The following HIVEP3 variants were observed in gnomAD, a reference collection of about 807,000 sequenced individuals.
HIVEP3 encodes the protein transcription factor HIVEP3.
HIVEP3 carries 49 observed loss-of-function variants against 152.8 expected under a neutral mutation model. That is an observed-to-expected ratio of 0.32 (90% CI 0.26 to 0.41). The LOEUF is 0.41. Ranked by LOEUF, HIVEP3 falls within the 10% of genes least tolerant of loss-of-function variation. The probability of loss-of-function intolerance (pLI) is 1.00; values close to 1 mark genes in which losing one functional copy is unlikely to be tolerated. For missense variants in HIVEP3, 2,790 were observed against 3,103.3 expected (o/e 0.90, Z 2.40); for synonymous variants, 1,269 against 1,289.0 (o/e 0.98, Z 0.33).
intron 3 of HIVEP3, among the ~76,000 whole-genome samples, chr1:41,595,085 C>A (rs937620013): frequency 1.3e-5 from 2 of 152,128 alleles, no homozygotes; most frequent in East Asian, 1.9e-4. Context: ...GGAAAGGGAC[C>A]CAGAATCTAT....
At chr1:41,812,819 G>C (rs924768982) in intron 1 of HIVEP3, among the ~76,000 whole-genome samples, 4 of 132,250 alleles carry the variant, frequency 3.0e-5, no homozygotes, top group Non-Finnish European at 6.2e-5. Flanking sequence ...GGGGTGGGGG[G>C]ACAGATAAGT....
chr1:41,899,617 G>A lies in HIVEP3; in HGVS notation c.-801+18796C>T, dbSNP rs1341258033. ...GAGACGGGGTTTCACCACGTTGGCC[G>A]GGCTGGTCTTGAACTCCTGATGTCA... On this transcript the variant is annotated intron_variant, in intron 1 of 8. Transcript: ENST00000372583. 2.0e-5 allele frequency among the ~76,000 whole-genome samples: 3 copies of A among 151,990 alleles called. 1 individual carries two copies. The highest frequency in any genetic ancestry group is 4.8e-5 in the African/African-American group (2 of 41,376).
At chr1:41,931,459 C>T (rs1170167153) in intron 1 of HIVEP3, among the ~76,000 whole-genome samples, 1 of 151,978 alleles carries the variant, frequency 6.6e-6, no homozygotes, top group Non-Finnish European at 1.5e-5. Context: ...ATTATTGTAT[C>T]TATCATTTTG....
At chr1:41,849,787 T>A (rs1214250815) in intron 1 of HIVEP3, among the ~76,000 whole-genome samples, 3 of 151,072 alleles carry the variant, frequency 2.0e-5, no homozygotes, top group Non-Finnish European at 2.9e-5. Flanking sequence ...GCCTCCTGGG[T>A]TCAAGCAATT....
intron 1 of HIVEP3, among the ~76,000 whole-genome samples, chr1:41,875,921 C>T (rs79939061): frequency 0.011 from 1,619 of 152,282 alleles, 22 homozygotes; most frequent in African/African-American, 0.036. Flanking sequence ...TCTCCCCCAC[C>T]GGGATGCAAG....
intron 1 of HIVEP3, among the ~76,000 whole-genome samples, chr1:41,766,764 T>C (rs933017002): frequency 6.6e-6 from 1 of 152,212 alleles, no homozygotes; most frequent in African/African-American, 2.4e-5. Flanking sequence ...CATTCTCCAC[T>C]AGGCTTGGAG....
chr1:41,834,454 C>A (rs1010461239), intron 1 of HIVEP3, among the ~76,000 whole-genome samples: 1 of 152,182 alleles, frequency 6.6e-6, no homozygotes, highest in Non-Finnish European at 1.5e-5. Context: ...TCCAGCACAC[C>A]AAGTGTTCAG....
intron 1 of HIVEP3, among the ~76,000 whole-genome samples, chr1:42,023,768 T>C (rs1645567474): frequency 6.6e-6 from 1 of 152,236 alleles, no homozygotes; most frequent in Non-Finnish European, 1.5e-5. Flanking sequence ...GCCAGCATCA[T>C]GTTTCCAGAA....
intron 1 of HIVEP3, among the ~76,000 whole-genome samples, chr1:42,025,667 G>T (rs1645577924): frequency 6.6e-6 from 1 of 152,266 alleles, no homozygotes; most frequent in Admixed American, 6.5e-5. Flanking sequence ...GTATCTGGGA[G>T]TGGGGTTAGG....
chr1:41,663,655 G>A (rs1244853746), intron 2 of HIVEP3, among the ~76,000 whole-genome samples: 1 of 152,184 alleles, frequency 6.6e-6, no homozygotes, highest in Non-Finnish European at 1.5e-5. Flanking sequence ...CTTTAATGGA[G>A]GGAACCCCCA....
At chr1:41,744,611 G>A (rs535075608) in intron 1 of HIVEP3, among the ~76,000 whole-genome samples, 3 of 152,292 alleles carry the variant, frequency 2.0e-5, no homozygotes, top group African/African-American at 7.2e-5. Flanking sequence ...TGTTTGATTT[G>A]CTTTTGTTTT....
At chr1:41,652,371 C>T (rs1422711373) in intron 2 of HIVEP3, among the ~76,000 whole-genome samples, 1 of 152,146 alleles carries the variant, frequency 6.6e-6, no homozygotes, top group African/African-American at 2.4e-5. Context: ...AAACTGAAGT[C>T]CAGTTTCCAA....
chr1:41,512,280 G>A (rs61775290), intron 8 of HIVEP3, among the ~76,000 whole-genome samples: 8,706 of 152,224 alleles, frequency 0.057, 370 homozygotes, highest in East Asian at 0.2. Flanking sequence ...CTGTCCTCCA[G>A]ATAGTGATTT....
At chr1:41,791,418 C>T (rs750806845) in intron 1 of HIVEP3, among the ~76,000 whole-genome samples, 29 of 152,238 alleles carry the variant, frequency 1.9e-4, no homozygotes, top group Admixed American at 1.0e-3. Context: ...GTGAAAATCA[C>T]TGGGTGGAAC....
At chr1:41,848,889 G>T (rs569708236) in intron 1 of HIVEP3, 1 of 152,592 alleles carries the variant, frequency 6.6e-6, no homozygotes, top group Admixed American at 6.5e-5. Flanking sequence ...TTCGTGGGCC[G>T]CATGCCTCCA....
intron 1 of HIVEP3, among the ~76,000 whole-genome samples, chr1:41,772,292 C>T (rs188552588): frequency 2.7e-4 from 41 of 152,320 alleles, no homozygotes; most frequent in Admixed American, 1.7e-3. Flanking sequence ...GAGAGGAGAA[C>T]GAGAGCTGGG....
At chr1:41,681,014 T>C (rs1412138894) in intron 2 of HIVEP3, among the ~76,000 whole-genome samples, 2 of 152,138 alleles carry the variant, frequency 1.3e-5, no homozygotes, top group African/African-American at 4.8e-5. Flanking sequence ...CTATTCCCAA[T>C]TTGCAGATGA....
intron 1 of HIVEP3, among the ~76,000 whole-genome samples, chr1:41,965,126 T>C (rs1396904578): frequency 6.6e-6 from 1 of 152,052 alleles, no homozygotes; most frequent in East Asian, 1.9e-4. Flanking sequence ...CCAAGGTGAA[T>C]AGGGTCTAGA....
At chr1:41,653,377 C>T (rs866646019) in intron 2 of HIVEP3, among the ~76,000 whole-genome samples, 2 of 152,092 alleles carry the variant, frequency 1.3e-5, no homozygotes, top group Admixed American at 6.6e-5. Flanking sequence ...ATACCCAATG[C>T]ACTTCTGCAT....
Sources: gnomAD v4.1 joint callset for allele counts (sites outside exome capture counted in the v4.1 genomes callset) on GRCh38, gnomAD v4.1.1 for gene constraint, MANE v1.5 for transcripts, NCBI Gene and HGNC (gene_info 2026-07-23, HGNC 2026-07-21) for gene names.